SHISAL1: variants seen among roughly 807,000 people sequenced by gnomAD.
The protein encoded by SHISAL1 is shisa like 1.
In SHISAL1, 9 loss-of-function variants were observed where a neutral mutation model predicts 22.6. The observed-to-expected ratio is 0.40, with a 90% CI of 0.24 to 0.70. The LOEUF (loss-of-function observed/expected upper bound fraction) is 0.70, where lower values mean the gene tolerates loss of function less well. Among genes scored for constraint, SHISAL1 ranks in the 30% least tolerant of loss-of-function variants. The pLI is 0.39. For missense variants in SHISAL1, 246 were observed against 270.6 expected, an observed-to-expected ratio of 0.91 and a Z score of 0.64; for synonymous variants, 119 against 115.4, an observed-to-expected ratio of 1.03 and a Z score of -0.20.
intron 4 of SHISAL1, among the ~76,000 whole-genome samples, chr22:44,269,581 TACC>T (rs920124072): frequency 1.0e-4 from 11 of 109,842 alleles, no homozygotes; most frequent in African/African-American, 1.9e-4. Context: ...CCATGCCAGA[TACC>T]ACACCATACA....
rs868040532 is a variant in SHISAL1, at chr22:44,303,098, G to A, written c.-32-2121C>T. ...TCTAAGTGCTCTGTGTAACAGCGTC[G>A]TCCTCCCAGAGCCCCTGTTGCCTGC... On this transcript the variant is annotated intron_variant, in intron 1 of 4. Transcript: ENST00000381176. Among the ~76,000 whole-genome samples, 63 of 152,154 alleles carry A rather than the reference G, an allele frequency of 4.1e-4. 1 individual carries two copies. Among genetic ancestry groups the A allele is most frequent in the South Asian group, 1.0e-3 (5 of 4,822 alleles).
upstream of SHISAL1, among the ~76,000 whole-genome samples, chr22:44,317,090 C>T (rs1302283418): frequency 2.0e-5 from 3 of 152,210 alleles, no homozygotes; most frequent in Non-Finnish European, 4.4e-5. Flanking sequence ...CACGCTTAAC[C>T]CCCCATCGTC....
intron 4 of SHISAL1, among the ~76,000 whole-genome samples, chr22:44,263,544 G>C (rs998653940): frequency 6.6e-6 from 1 of 152,208 alleles, no homozygotes; most frequent in Non-Finnish European, 1.5e-5. Flanking sequence ...AGACTCTGCT[G>C]ACGCGATGGA....
chr22:44,292,541 G>A (rs2055359873), intron 3 of SHISAL1, among the ~76,000 whole-genome samples: 2 of 152,234 alleles, frequency 1.3e-5, no homozygotes, highest in African/African-American at 4.8e-5. Flanking sequence ...CACCACAGGT[G>A]TCTTGCCCAG....
chr22:44,331,386 C>T, the SHISAL1 span, among the ~76,000 whole-genome samples: 1 of 151,212 alleles, frequency 6.6e-6, no homozygotes, highest in African/African-American at 2.4e-5. The surrounding 1 kb of genome is among the most constrained non-coding windows in gnomAD (Gnocchi z 5.2). Context: ...AGACCCTCCT[C>T]CGCCAGGAGC....
chr22:44,276,344 A>C (rs1357808975), intron 4 of SHISAL1, among the ~76,000 whole-genome samples: 2 of 152,210 alleles, frequency 1.3e-5, no homozygotes, highest in Middle Eastern at 3.4e-3. Context: ...GGACAGAGGG[A>C]CAGTGGGGTG....
chr22:44,318,997 C>T, the SHISAL1 span, among the ~76,000 whole-genome samples: 8 of 152,256 alleles, frequency 5.3e-5, no homozygotes, highest in South Asian at 2.1e-4. Flanking sequence ...AGGATGGAGG[C>T]TCAGACACTT....
chr22:44,293,684 C>T (rs2055368067), intron 3 of SHISAL1, among the ~76,000 whole-genome samples: 1 of 152,220 alleles, frequency 6.6e-6, no homozygotes, highest in South Asian at 2.1e-4. Flanking sequence ...GACTCAACTG[C>T]TCTGTGCCTC....
At chr22:44,303,974 C>T (rs967283051) in intron 1 of SHISAL1, among the ~76,000 whole-genome samples, 1 of 152,162 alleles carries the variant, frequency 6.6e-6, no homozygotes, top group Non-Finnish European at 1.5e-5. Context: ...CAGAGTTGAA[C>T]ATGCAGTGCA....
intron 2 of SHISAL1, among the ~76,000 whole-genome samples, chr22:44,299,172 T>C (rs2055408609): frequency 2.0e-5 from 3 of 152,116 alleles, no homozygotes; most frequent in African/African-American, 7.2e-5. Flanking sequence ...GCAGCATCCG[T>C]GGGCTTCTGC....
chr22:44,289,108 G>C (rs577099705), intron 3 of SHISAL1, among the ~76,000 whole-genome samples: 71 of 152,300 alleles, frequency 4.7e-4, no homozygotes, highest in African/African-American at 1.6e-3. Context: ...AAAAACACTG[G>C]CAATTGTTAT....
intron 4 of SHISAL1, among the ~76,000 whole-genome samples, chr22:44,277,938 A>G (rs1341857961): frequency 6.6e-6 from 1 of 152,196 alleles, no homozygotes. Flanking sequence ...AGGGACACGG[A>G]GCCCTGCGGG....
chr22:44,274,109 G>T (rs1435721987), intron 4 of SHISAL1, among the ~76,000 whole-genome samples: 3 of 144,710 alleles, frequency 2.1e-5, no homozygotes, highest in Admixed American at 1.4e-4. Context: ...AGGCGGACGT[G>T]GTGGTGGGTG....
chr22:44,290,181 A>T (rs1185031769), intron 3 of SHISAL1, among the ~76,000 whole-genome samples: 1 of 152,238 alleles, frequency 6.6e-6, no homozygotes, highest in Non-Finnish European at 1.5e-5. Flanking sequence ...AGAACGAAAC[A>T]TCAGCTCAGC....
chr22:44,302,138 C>A (rs926410977), intron 1 of SHISAL1, among the ~76,000 whole-genome samples: 1 of 152,050 alleles, frequency 6.6e-6, no homozygotes, highest in Non-Finnish European at 1.5e-5. Flanking sequence ...GTCAGGAGTT[C>A]GAGACCAGCC....
chr22:44,263,322 T>C (rs135424), intron 4 of SHISAL1, among the ~76,000 whole-genome samples: 108,293 of 151,562 alleles, frequency 0.71, 38,764 homozygotes, highest in South Asian at 0.79. Context: ...CTGCCCACCT[T>C]GGCCTCCCAA....
chr22:44,266,434 T>C (rs372076732), intron 4 of SHISAL1, among the ~76,000 whole-genome samples: 2 of 122,694 alleles, frequency 1.6e-5, no homozygotes, highest in East Asian at 5.3e-4. Flanking sequence ...TGTGTGTGTG[T>C]TGGGGGGTTG....
At position 44,247,812 on chromosome 22, in the gene SHISAL1, A is replaced by C. The variant is rs1429176116; in HGVS notation, c.*1873T>G. 6.6e-6 allele frequency: 1 copy of C among 152,192 alleles called. No individual in the cohort carries two copies. Among genetic ancestry groups the C allele is most frequent in the African/African-American group, 2.4e-5 (1 of 41,406 alleles). The allele number at this position is 152,192 out of a possible 1,614,324, so 9.4% of individuals were successfully genotyped here. A position where few individuals can be genotyped will look rare whatever the true frequency, so the allele number is the denominator to read the frequency against. On this transcript the variant is annotated 3_prime_UTR_variant, in exon 5 of 5. Coordinates refer to ENST00000381176, the MANE Select transcript of SHISAL1 (RefSeq NM_001099294.2). ...GTTTGCACAGCTTGACTCACAGCAG[A>C]GCCCAGAGCTGGGCACTATCACCCT... is the stretch of plus-strand genomic sequence containing the variant.
intron 4 of SHISAL1, among the ~76,000 whole-genome samples, chr22:44,251,199 T>C (rs925502491): frequency 1.3e-5 from 2 of 152,230 alleles, no homozygotes. Flanking sequence ...GTTTTACACA[T>C]CGCTGCATTG....
Sources: allele counts gnomAD v4.1 joint callset (sites outside exome capture counted in the v4.1 genomes callset), GRCh38; gene constraint gnomAD v4.1.1; non-coding constraint Gnocchi (gnomAD v3.1); transcripts MANE v1.5; gene names NCBI Gene and HGNC (gene_info 2026-07-23, HGNC 2026-07-21).